SKP2: variants seen among roughly 807,000 people sequenced by gnomAD.
SKP2 encodes the protein S-phase kinase-associated protein 2.
A neutral mutation model predicts 51.8 loss-of-function variants in SKP2; 16 were observed. That is an observed-to-expected ratio of 0.31 (90% CI 0.21 to 0.47). SKP2 has a LOEUF of 0.47. SKP2 is among the 20% of genes least tolerant of loss of function. The probability of loss-of-function intolerance (pLI) is 1.00; values close to 1 mark genes in which losing one functional copy is unlikely to be tolerated. For missense variants in SKP2, 377 were observed against 505.3 expected (o/e 0.75, Z 2.43); for synonymous variants, 176 against 198.6 (o/e 0.89, Z 0.96).
At chr5:36,156,571 G>C (rs1455445767) in intron 2 of SKP2, among the ~76,000 whole-genome samples, 1 of 152,224 alleles carries the variant, frequency 6.6e-6, no homozygotes, top group Non-Finnish European at 1.5e-5. Context: ...TATGGAAAGA[G>C]TTGGGGAGGA....
At chr5:36,187,904 T>C (rs1745971273), downstream of SKP2, among the ~76,000 whole-genome samples, 1 of 152,192 alleles carries the variant, frequency 6.6e-6, no homozygotes, top group Non-Finnish European at 1.5e-5. Context: ...ACTTGCTTTA[T>C]GAATCTGGGT....
intron 6 of SKP2, among the ~76,000 whole-genome samples, chr5:36,191,972 C>T (rs553722703): frequency 1.2e-4 from 19 of 152,184 alleles, no homozygotes; most frequent in South Asian, 8.3e-4. Context: ...ACTAAAATGC[C>T]GGTATTTTTA....
intron 2 of SKP2, 92 bp downstream of exon 2, chr5:36,153,134 T>C: frequency 7.7e-7 from 1 of 1,295,514 alleles, no homozygotes; most frequent in South Asian, 1.4e-5. Context: ...TTAGCATGGG[T>C]TCCTTTTAAG....
Position 36,184,023 on chromosome 5 carries a change from A to G in SKP2, c.*1992A>G. 2 of 1,368,282 alleles carry G rather than the reference A, an allele frequency of 1.5e-6. No homozygotes were observed. Among genetic ancestry groups the G allele is most frequent in the Non-Finnish European group, 1.0e-6 (1 of 974,560 alleles). 84.8% of individuals were successfully genotyped at this position (1,368,282 alleles called of 1,614,324 possible). On this transcript the variant is annotated 3_prime_UTR_variant, in exon 10 of 10. Transcript: ENST00000274255. ...TTTTAAAACAATAAAACACATTTTTATAAAAATGAGTGCTTAAACTAAGTT... is the reference window on the plus strand; with the variant it reads ...TTTTAAAACAATAAAACACATTTTTGTAAAAATGAGTGCTTAAACTAAGTT...
At chr5:36,163,072 A>T (rs533633226) in intron 2 of SKP2, among the ~76,000 whole-genome samples, 19 of 152,282 alleles carry the variant, frequency 1.2e-4, no homozygotes, top group Admixed American at 2.6e-4. Flanking sequence ...CATGGGGATT[A>T]TGGGAACTAC....
chr5:36,163,529 G>A (rs889742169), intron 2 of SKP2, 116 bp from the exon 3 acceptor site: 2 of 650,932 alleles, frequency 3.1e-6, no homozygotes, highest in African/African-American at 1.8e-5. Flanking sequence ...AATTTAATTT[G>A]TGCTAAATTC....
downstream of SKP2, among the ~76,000 whole-genome samples, chr5:36,184,949 G>A (rs966255912): frequency 1.8e-4 from 27 of 152,172 alleles, no homozygotes; most frequent in South Asian, 1.9e-3. Context: ...TTTAATGATC[G>A]CCATTCTAAC....
rs1000425183 is a variant in SKP2, at chr5:36,163,512, G to A, written c.281-133G>A. The A allele has an allele frequency of 5.3e-5, 33 of 620,552 alleles. No homozygotes were observed. In the African/African-American group the frequency reaches 6.1e-4, roughly 11 times the overall value. 38.4% of individuals were successfully genotyped at this position (620,552 alleles called of 1,614,324 possible). ...TTTTTCAAACAAAAATAATTGTGAG[G>A]ATGAGTAATTTAATTTGTGCTAAAT... On this transcript the variant is annotated intron_variant, in intron 2 of 9. Transcript: ENST00000274255.
At position 36,172,175 on chromosome 5, in the gene SKP2, C is replaced by T. The variant is rs191342929; in HGVS notation, c.901+442C>T. On this transcript the variant is annotated intron_variant, in intron 7 of 9. Coordinates refer to ENST00000274255, the MANE Select transcript of SKP2 (RefSeq NM_005983.4). ...AGGAGTGCTGATGGTCTCTCATGGG[C>T]GGAAGCCAGGATGCTGGTGGACGGT... Among the ~76,000 whole-genome samples the T allele has an allele frequency of 1.7e-3, 265 of 152,242 alleles. 3 individuals are homozygous for T. The highest frequency in any genetic ancestry group is 0.015 in the Admixed American group (237 of 15,294).
chr5:36,155,656 C>T lies in SKP2; in HGVS notation c.280+2614C>T, dbSNP rs550720248. On this transcript the variant is annotated intron_variant, in intron 2 of 9. Coordinates refer to ENST00000274255, the MANE Select transcript of SKP2 (RefSeq NM_005983.4). ...TTTTTCTTCAAAATTTAATGTTCAC[C>T]GCTCTTCTTTGTGTCTGGAATGTAG... Among the ~76,000 whole-genome samples, 7 of 152,200 alleles carry T rather than the reference C, an allele frequency of 4.6e-5. No homozygotes were observed. The East Asian group carries it at 1.2e-3, about 25-fold the overall frequency.
intron 2 of SKP2, among the ~76,000 whole-genome samples, chr5:36,160,970 C>G (rs1745103567): frequency 6.6e-6 from 1 of 152,114 alleles, no homozygotes; most frequent in Admixed American, 6.5e-5. Context: ...GGGGAACAGG[C>G]ATTCATTGAA....
intron 2 of SKP2, among the ~76,000 whole-genome samples, 169 bp from the exon 3 acceptor site, chr5:36,163,475 CA>C (rs1429928855): frequency 6.6e-6 from 1 of 152,094 alleles, no homozygotes; most frequent in Non-Finnish European, 1.5e-5. Context: ...TTTTTCTGTT[CA>C]ACAGAAATGA....
At chr5:36,180,592 A>C (rs1446677412) in intron 9 of SKP2, among the ~76,000 whole-genome samples, 1 of 152,234 alleles carries the variant, frequency 6.6e-6, no homozygotes, top group Non-Finnish European at 1.5e-5. Flanking sequence ...GAAGACTGGA[A>C]GAGCAGGTTA....
intron 2 of SKP2, among the ~76,000 whole-genome samples, chr5:36,158,517 G>A (rs536607205): frequency 3.2e-4 from 49 of 152,332 alleles, no homozygotes; most frequent in African/African-American, 1.2e-3. Context: ...GCTGCTAGCT[G>A]AGTATGTGTG....
intron 3 of SKP2, among the ~76,000 whole-genome samples, chr5:36,165,952 A>G (rs1745272761): frequency 6.6e-6 from 1 of 152,216 alleles, no homozygotes; most frequent in South Asian, 2.1e-4. Flanking sequence ...GTACACATAC[A>G]TATACACGTG....
At chr5:36,158,463 TA>T (rs1255642828) in intron 2 of SKP2, among the ~76,000 whole-genome samples, 1 of 152,208 alleles carries the variant, frequency 6.6e-6, no homozygotes, top group Non-Finnish European at 1.5e-5. Flanking sequence ...CCCCTAGGAT[TA>T]GTGTCATTCT....
At position 36,177,268 on chromosome 5, in the gene SKP2, A is replaced by G. The variant is rs755010517; in HGVS notation, c.1037A>G (p.Tyr346Cys). The G allele has an allele frequency of 6.2e-7, 1 of 1,607,396 alleles. No homozygotes were observed. Among genetic ancestry groups the G allele is most frequent in the Non-Finnish European group, 8.5e-7 (1 of 1,174,206 alleles). Residue 346 changes from tyrosine to cysteine, a missense_variant, in exon 9 of 10, where the codon TAT becomes TGT. Physicochemically the swap from Tyr to Cys is radical, Grantham distance 194. Transcript: ENST00000274255. ...YLQHLSLSRCYDIIPETLLEL... is the reference protein window; with the variant it reads ...YLQHLSLSRCCDIIPETLLEL... ...CAACACCTATCACTCAGTCGGTGCT[A>G]TGATATAATACCTGAAACTTTACTG...
intron 4 of SKP2, 135 bp from the exon 5 acceptor site, chr5:36,168,178 A>G: frequency 1.3e-6 from 1 of 758,662 alleles, no homozygotes; most frequent in Non-Finnish European, 2.2e-6. Flanking sequence ...ATGACCCTAT[A>G]GTTAATGCTT....
At position 36,183,097 on chromosome 5, in the gene SKP2, A is replaced by G; in HGVS notation, c.*1066A>G. ...TAAGAGGAACTGCATGTTCTCTTCA[A>G]TCAGAAATATACAGTAGAAGCAGGT... On this transcript the variant is annotated 3_prime_UTR_variant, in exon 10 of 10. Coordinates refer to ENST00000274255, the MANE Select transcript of SKP2 (RefSeq NM_005983.4). 4 of 984,284 alleles carry G rather than the reference A, an allele frequency of 4.1e-6. No individual in the cohort carries two copies. Among genetic ancestry groups the G allele is most frequent in the Non-Finnish European group, 4.8e-6 (4 of 828,916 alleles). 61.0% of individuals were successfully genotyped at this position (984,284 alleles called of 1,614,324 possible). A position where few individuals can be genotyped will look rare whatever the true frequency, so the allele number is the denominator to read the frequency against.
Sources: gnomAD v4.1 joint callset for allele counts (sites outside exome capture counted in the v4.1 genomes callset) on GRCh38, gnomAD v4.1.1 for gene constraint, MANE v1.5 for transcripts, NCBI Gene and HGNC (gene_info 2026-07-23, HGNC 2026-07-21) for gene names.